DLGAP2: variants seen among roughly 807,000 people sequenced by gnomAD.
The protein encoded by DLGAP2 is DLG associated protein 2.
Under a neutral mutation model 100.3 loss-of-function variants are expected in DLGAP2, and 26 were observed. The observed-to-expected ratio is 0.26, with a 90% CI of 0.19 to 0.36. The LOEUF (loss-of-function observed/expected upper bound fraction) is 0.36. DLGAP2 is among the 10% of genes least tolerant of loss of function. The pLI is 1.00. For synonymous variants in DLGAP2, 886 were observed against 630.1 expected, an observed-to-expected ratio of 1.41 and a Z score of -6.08; for missense variants, 1,858 against 1,453.2, an observed-to-expected ratio of 1.28 and a Z score of -4.53.
At chr8:1,224,422 A>G (rs1323886998) in intron 2 of DLGAP2, among the ~76,000 whole-genome samples, 1 of 152,248 alleles carries the variant, frequency 6.6e-6, no homozygotes, top group Non-Finnish European at 1.5e-5. Flanking sequence ...GAATTAATAC[A>G]TATTTATGTA....
At chr8:1,299,630 G>A (rs1800282816) in intron 3 of DLGAP2, among the ~76,000 whole-genome samples, 1 of 152,128 alleles carries the variant, frequency 6.6e-6, no homozygotes, top group Non-Finnish European at 1.5e-5. Flanking sequence ...CTTGTCTTCT[G>A]ATGTTGGCTG....
At chr8:1,388,709 G>C (rs1453262199) in intron 3 of DLGAP2, among the ~76,000 whole-genome samples, 1 of 90,174 alleles carries the variant, frequency 1.1e-5, no homozygotes, top group Non-Finnish European at 2.4e-5. Flanking sequence ...AAGAGGCAGA[G>C]GCCGTGGATG....
chr8:1,508,231 C>A (rs953613248), intron 4 of DLGAP2, among the ~76,000 whole-genome samples: 1 of 151,618 alleles, frequency 6.6e-6, no homozygotes, highest in East Asian at 2.0e-4. Flanking sequence ...GCGTCCCATT[C>A]TGGCCTCCTG....
chr8:1,546,895 G>C (rs1257411111), intron 4 of DLGAP2, among the ~76,000 whole-genome samples: 1 of 152,160 alleles, frequency 6.6e-6, no homozygotes, highest in Non-Finnish European at 1.5e-5. Flanking sequence ...AGGAGAGGCA[G>C]GTATTGGACA....
chr8:815,834 A>G (rs376433850), intron 1 of DLGAP2, among the ~76,000 whole-genome samples: 1 of 152,210 alleles, frequency 6.6e-6, no homozygotes, highest in Non-Finnish European at 1.5e-5. Flanking sequence ...GTTCTCATTC[A>G]TCTCATTTTA....
intron 3 of DLGAP2, among the ~76,000 whole-genome samples, chr8:1,437,547 A>C (rs1158989382): frequency 6.6e-6 from 1 of 152,172 alleles, no homozygotes; most frequent in Non-Finnish European, 1.5e-5. Flanking sequence ...ACGTGGATGG[A>C]TGGATCAGAG....
intron 2 of DLGAP2, among the ~76,000 whole-genome samples, chr8:1,079,570 C>G (rs936067144): frequency 1.4e-4 from 22 of 152,136 alleles, no homozygotes; most frequent in African/African-American, 5.3e-4. Flanking sequence ...GCTATGCTCC[C>G]CAACAAAGGA....
chr8:1,051,860 G>T (rs977986766), intron 2 of DLGAP2, among the ~76,000 whole-genome samples: 1 of 152,100 alleles, frequency 6.6e-6, no homozygotes, highest in African/African-American at 2.4e-5. Context: ...AGTCGACTGG[G>T]AGTCTGCTAC....
intron 3 of DLGAP2, among the ~76,000 whole-genome samples, chr8:1,438,794 G>A (rs1797734270): frequency 6.6e-6 from 1 of 152,162 alleles, no homozygotes; most frequent in Admixed American, 6.5e-5. Flanking sequence ...ATATGTTGCT[G>A]GTTGCTATGG....
chr8:1,705,272 GTC>G lies in DLGAP2; in HGVS notation c.*3867_*3868del, dbSNP rs1799675927. 6.6e-6 allele frequency: 1 copy of G among 152,234 alleles called. No homozygotes were observed. The highest frequency in any genetic ancestry group is 1.5e-5 in the Non-Finnish European group (1 of 68,078). 9.4% of individuals were successfully genotyped at this position (152,234 alleles called of 1,614,324 possible). The stretch of plus-strand genomic sequence containing the variant: ...ATTCCATCAAGCCAAGCCTCCTGTG[GTC>G]CTGAGCATGAAGGGGCCAGGGGACC... On this transcript the variant is annotated 3_prime_UTR_variant, in exon 15 of 15. Transcript: ENST00000637795.
intron 2 of DLGAP2, among the ~76,000 whole-genome samples, chr8:1,173,948 G>A (rs111336670): frequency 0.049 from 7,453 of 152,276 alleles, 215 homozygotes; most frequent in African/African-American, 0.077. Context: ...AGATGGAAAT[G>A]CAGAAATCAC....
chr8:1,003,405 A>T (rs977002425), intron 2 of DLGAP2: 4 of 152,224 alleles, frequency 2.6e-5, no homozygotes, highest in Non-Finnish European at 5.9e-5. Context: ...TGATCCTGCC[A>T]CATGTGTCTT....
intron 2 of DLGAP2, among the ~76,000 whole-genome samples, chr8:1,177,293 G>A (rs558893724): frequency 5.9e-5 from 9 of 152,050 alleles, no homozygotes; most frequent in Admixed American, 3.3e-4. Flanking sequence ...TCTTTTCTCC[G>A]TATGTTCTTG....
chr8:1,114,303 G>A (rs2336700), intron 2 of DLGAP2, among the ~76,000 whole-genome samples: 137,650 of 152,162 alleles, frequency 0.9, 62,485 homozygotes, highest in Non-Finnish European at 0.94. Flanking sequence ...ATCTGGTAGA[G>A]TTCAGCTGTA....
rs1303909864 is a variant in DLGAP2, at chr8:1,063,783, T to TCATA, written c.73+155817_73+155818insCATA. On this transcript the variant is annotated intron_variant, in intron 2 of 14. Transcript: ENST00000637795. ...TGTGCATATTTAGGTGGGTATCGAC[T>TCATA]ATTTCATTCATAATTTTGTTCCCAG... 2.0e-5 allele frequency among the ~76,000 whole-genome samples: 3 copies of TCATA among 152,198 alleles called. No homozygotes were observed. In the East Asian group the frequency reaches 5.8e-4, roughly 29 times the overall value.
chr8:926,228 G>T (rs1325940221), intron 2 of DLGAP2, among the ~76,000 whole-genome samples: 1 of 152,152 alleles, frequency 6.6e-6, no homozygotes, highest in Non-Finnish European at 1.5e-5. Context: ...GGGCTCTCAT[G>T]CTCCTGACTG....
chr8:1,543,562 C>G (rs1801433628), intron 4 of DLGAP2, among the ~76,000 whole-genome samples: 1 of 152,208 alleles, frequency 6.6e-6, no homozygotes, highest in Admixed American at 6.5e-5. Context: ...TGTGGGGCCC[C>G]ACCCTTTTGA....
chr8:1,049,232 C>T (rs182014267), intron 2 of DLGAP2, among the ~76,000 whole-genome samples: 13 of 152,228 alleles, frequency 8.5e-5, no homozygotes, highest in Admixed American at 4.6e-4. Context: ...AATGAAATGG[C>T]AAGTTTTATG....
chr8:1,520,106 C>G (rs1429056418), intron 4 of DLGAP2, among the ~76,000 whole-genome samples: 3 of 152,242 alleles, frequency 2.0e-5, no homozygotes, highest in Non-Finnish European at 4.4e-5. Flanking sequence ...GTCCCCATCT[C>G]TGCTTCCCAA....
Sources: gnomAD v4.1 joint callset for allele counts (sites outside exome capture counted in the v4.1 genomes callset) on GRCh38, gnomAD v4.1.1 for gene constraint, MANE v1.5 for transcripts, NCBI Gene and HGNC (gene_info 2026-07-23, HGNC 2026-07-21) for gene names.